The following RYR1 variants were observed in gnomAD, a reference collection of about 807,000 sequenced individuals.
RYR1 encodes the protein ryanodine receptor 1, also known as central core disease of muscle.
Under a neutral mutation model 583.5 loss-of-function variants are expected in RYR1, and 342 were observed. The observed-to-expected ratio is 0.59, with a 90% CI of 0.54 to 0.64. The LOEUF (loss-of-function observed/expected upper bound fraction) is 0.64, where lower values mean the gene tolerates loss of function less well. RYR1 is among the 30% of genes least tolerant of loss of function. The pLI is 0.00. For missense variants in RYR1, 6,032 were observed against 6,917.2 expected, an observed-to-expected ratio of 0.87 and a Z score of 4.54; for synonymous variants, 2,791 against 2,822.5, an observed-to-expected ratio of 0.99 and a Z score of 0.35.
intron 89 of RYR1, among the ~76,000 whole-genome samples, chr19:38,560,104 T>G (rs1973058314): frequency 6.6e-6 from 1 of 152,182 alleles, no homozygotes; most frequent in Non-Finnish European, 1.5e-5. Context: ...TGATTTATGC[T>G]TGTAATCCCA....
chr19:38,521,729 T>C (rs1971233933), intron 67 of RYR1, among the ~76,000 whole-genome samples: 2 of 150,488 alleles, frequency 1.3e-5, no homozygotes, highest in South Asian at 2.1e-4. Context: ...TTTTTTTTTT[T>C]TTTGAGATGG....
intron 49 of RYR1, among the ~76,000 whole-genome samples, chr19:38,503,925 C>T (rs1970318594): frequency 6.6e-6 from 1 of 152,112 alleles, no homozygotes; most frequent in African/African-American, 2.4e-5. Context: ...TCACTACATA[C>T]CCATGGATTA....
chr19:38,580,300 A>G (rs1974140763), intron 100 of RYR1, 70 bp from the exon 101 acceptor site: 2 of 1,396,470 alleles, frequency 1.4e-6, no homozygotes, highest in Non-Finnish European at 2.0e-6. Context: ...CGGGGCCAGG[A>G]CCCAGCATGG....
chr19:38,505,712 C>T, intron 53 of RYR1, 94 bp from the exon 54 acceptor site: 3 of 1,497,288 alleles, frequency 2.0e-6, no homozygotes, highest in Non-Finnish European at 2.8e-6. Context: ...GGACCATTGC[C>T]TAGCCACATG....
chr19:38,496,328 A>G lies in RYR1; in HGVS notation c.6662A>G (p.Lys2221Arg), dbSNP rs1293529148. 5 of 1,613,782 alleles carry G rather than the reference A, an allele frequency of 3.1e-6. No homozygotes were observed. Among genetic ancestry groups the G allele is most frequent in the Non-Finnish European group, 3.4e-6 (4 of 1,180,018 alleles). ...AACGTCCTCGGGGGCGGCGAGTCCA[A>G]GGTGAGGGCCCAGGCAGGTGCTGGG... Reference protein sequence around the residue: ...MVNVLGGGESKEIRFPKMVTS... With the variant: ...MVNVLGGGESREIRFPKMVTS... The change falls in exon 40 of 106, where the codon AAG becomes AGG. Residue 2221 changes from lysine (K) to arginine (R), a missense_variant and splice_region_variant. Physicochemically the swap from Lys to Arg is conservative, Grantham distance 26. Coordinates refer to ENST00000359596, the MANE Select transcript of RYR1 (RefSeq NM_000540.3). This position sits in a 1 kb window ranked among gnomAD's most constrained non-coding sequence, Gnocchi z 4.8.
intron 84 of RYR1, among the ~76,000 whole-genome samples, chr19:38,541,617 G>T (rs957531596): frequency 1.6e-4 from 25 of 152,166 alleles, no homozygotes; most frequent in Admixed American, 5.2e-4. Flanking sequence ...TCAGGAGGCT[G>T]AGGCAGGAGA....
intron 11 of RYR1, among the ~76,000 whole-genome samples, chr19:38,450,322 G>A (rs1262522578): frequency 6.6e-6 from 1 of 152,142 alleles, no homozygotes; most frequent in East Asian, 1.9e-4. Context: ...GCTGTGGGGT[G>A]AGAGAAGGGG....
Position 38,473,400 on chromosome 19 carries a change from G to A in RYR1, c.3789G>A (p.Val1263=). ...AGGTATCCCGAGTGGACGGCACTGT[G>A]GACACGCCCCCCTGCCTGCGCCTGA... ...HYEVSRVDGT[V]DTPPCLRLTH... is the part of the protein sequence containing the mutation. Residue 1263 remains valine (V), a synonymous_variant, in exon 28 of 106, where the codon GTG becomes GTA. Transcript: ENST00000359596. 6.2e-7 allele frequency: 1 copy of A among 1,613,844 alleles called. No individual in the cohort carries two copies. Among genetic ancestry groups the A allele is most frequent in the Non-Finnish European group, 8.5e-7 (1 of 1,179,976 alleles).
Position 38,473,492 on chromosome 19 carries a change from T to C in RYR1, c.3881T>C (p.Val1294Ala). Reference sequence around the variant, plus strand: ...CTTTTCCTGCGGCTGAGCCTCCCAGTCCAGTTCCACCAGCACTTCCGCTGC... The same window carrying C: ...CTTTTCCTGCGGCTGAGCCTCCCAGCCCAGTTCCACCAGCACTTCCGCTGC... Reference protein sequence around the residue: ...EMLFLRLSLPVQFHQHFRCTA... With the variant: ...EMLFLRLSLPAQFHQHFRCTA... Residue 1294 changes from valine to alanine, a missense_variant, in exon 28 of 106, where the codon GTC becomes GCC. By Grantham distance (64) the Val-to-Ala change is moderately conservative. Transcript: ENST00000359596. 1 of 1,613,588 alleles carries C rather than the reference T, an allele frequency of 6.2e-7. No individual in the cohort carries two copies. The highest frequency in any genetic ancestry group is 8.5e-7 in the Non-Finnish European group (1 of 1,179,844).
chr19:38,543,388 A>C lies in RYR1; in HGVS notation c.11731A>C (p.Thr3911Pro). 1 of 1,614,202 alleles carries C rather than the reference A, an allele frequency of 6.2e-7. No homozygotes were observed. Among genetic ancestry groups the C allele is most frequent in the Non-Finnish European group, 8.5e-7 (1 of 1,180,030 alleles). Residue 3911 changes from threonine to proline, a missense_variant, in exon 85 of 106, where the codon ACT (threonine) becomes CCT (proline). Physicochemically the swap from Thr to Pro is conservative, Grantham distance 38. Coordinates refer to ENST00000359596, the MANE Select transcript of RYR1 (RefSeq NM_000540.3). The surrounding 1 kb of genome is among the most constrained non-coding windows in gnomAD (Gnocchi z 4.4). ...YLRTQTGNTT[T>P]INIIICTVDY... is the part of the protein sequence containing the mutation. ...ACGGACACAGACAGGGAACACGACC[A>C]CTATTAACATCATCATTTGCACTGT...
chr19:38,465,763 T>TA (rs1968063512), intron 23 of RYR1, among the ~76,000 whole-genome samples: 1 of 150,834 alleles, frequency 6.6e-6, no homozygotes, highest in African/African-American at 2.4e-5. Flanking sequence ...AAACTCCGTA[T>TA]CAAAAAAAAA....
At chr19:38,584,185 C>T (rs1042053537) in intron 101 of RYR1, among the ~76,000 whole-genome samples, 1 of 151,680 alleles carries the variant, frequency 6.6e-6, no homozygotes, top group African/African-American at 2.4e-5. Flanking sequence ...CATCCCTGGT[C>T]ACACTGTGCC....
At position 38,578,011 on chromosome 19, in the gene RYR1, G is replaced by A. The variant is rs375977113; in HGVS notation, c.14266G>A (p.Glu4756Lys). The A allele has an allele frequency of 3.1e-6, 5 of 1,613,992 alleles. No homozygotes were observed. Among genetic ancestry groups the A allele is most frequent in the East Asian group, 2.2e-5 (1 of 44,892 alleles). Residue 4756 changes from glutamate to lysine, a missense_variant, in exon 98 of 106, where the codon GAG becomes AAG. By Grantham distance (56) the Glu-to-Lys change is moderately conservative. Around this residue, in one of 11 missense-constraint regions of RYR1, gnomAD observed 188 missense variants for 215.6 expected, o/e 0.87. Coordinates refer to ENST00000359596, the MANE Select transcript of RYR1 (RefSeq NM_000540.3). ...CACACTAGAGATCACAGCCCACAATGAGCGCAAGCCCAACCCGCCGCCAGG... is the reference window on the plus strand; with the variant it reads ...CACACTAGAGATCACAGCCCACAATAAGCGCAAGCCCAACCCGCCGCCAGG... ...LATLEITAHNERKPNPPPGLL... is the reference protein window; with the variant it reads ...LATLEITAHNKRKPNPPPGLL...
rs1174989846 is a variant in RYR1, at chr19:38,467,736, G to A, written c.3305G>A (p.Gly1102Asp). 2 of 1,614,120 alleles carry A rather than the reference G, an allele frequency of 1.2e-6. No individual in the cohort carries two copies. The highest frequency in any genetic ancestry group is 2.7e-5 in the African/African-American group (2 of 74,946). The change falls in exon 25 of 106, where the codon GGC becomes GAC. Residue 1102 changes from glycine (G) to aspartate (D), a missense_variant. Physicochemically the swap from Gly to Asp is moderately conservative, Grantham distance 94. Transcript: ENST00000359596. ...EAVTTGEMRV[G>D]WARPELRPDV... Reference sequence around the variant, plus strand: ...GTCACCACAGGCGAGATGCGCGTGGGCTGGGCGAGGCCCGAGCTGAGGCCT... The same window carrying A: ...GTCACCACAGGCGAGATGCGCGTGGACTGGGCGAGGCCCGAGCTGAGGCCT...
In RYR1 at chr19:38,565,305, C is replaced by G; in HGVS notation, c.12971C>G (p.Thr4324Arg). The change falls in exon 91 of 106, where the codon ACG (threonine) becomes AGG (arginine). Residue 4324 changes from threonine to arginine, a missense_variant. Coordinates refer to ENST00000359596, the MANE Select transcript of RYR1 (RefSeq NM_000540.3). The surrounding 1 kb of genome is among the most constrained non-coding windows in gnomAD (Gnocchi z 4.7). ...CGCGTGCGGCGGCTGCGGCGGCTTA[C>G]GGCCCGCGAGGCGGCCACCGCAGTG... ...RRRVRRLRRL[T>R]AREAATAVAA... 22 of 1,100,946 alleles carry G rather than the reference C, an allele frequency of 2.0e-5. No individual in the cohort carries two copies. The highest frequency in any genetic ancestry group is 2.4e-5 in the Non-Finnish European group (22 of 905,434). The allele number at this position is 1,100,946 out of a possible 1,614,324, so 68.2% of individuals were successfully genotyped here.
chr19:38,484,342 T>G (rs573405339), intron 33 of RYR1, among the ~76,000 whole-genome samples: 9 of 151,838 alleles, frequency 5.9e-5, no homozygotes, highest in African/African-American at 2.2e-4. Flanking sequence ...CCCAGGAGGC[T>G]TCTGACATGC....
intron 19 of RYR1, among the ~76,000 whole-genome samples, chr19:38,459,920 C>G (rs1264736023): frequency 1.3e-5 from 2 of 152,304 alleles, no homozygotes; most frequent in African/African-American, 4.8e-5. Context: ...AAAGACCCCC[C>G]AATGATCCAG....
Position 38,506,641 on chromosome 19 carries a change from C to T in RYR1, c.8692+95C>T, listed in dbSNP as rs955978443. 5.9e-6 allele frequency: 9 copies of T among 1,518,012 alleles called. No homozygotes were observed. In the African/African-American group the frequency reaches 1.1e-4, roughly 19 times the overall value. The allele number at this position is 1,518,012 out of a possible 1,614,324, so 94.0% of individuals were successfully genotyped here. A position where few individuals can be genotyped will look rare whatever the true frequency, so the allele number is the denominator to read the frequency against. On this transcript the variant is annotated intron_variant, in intron 56 of 105. Coordinates refer to ENST00000359596, the MANE Select transcript of RYR1 (RefSeq NM_000540.3). ...TGCCCCTGAAACTCGGTTTCTCCAT[C>T]TGTAGATGGGAATAATAACAGCGTT...
At position 38,523,015 on chromosome 19, in the gene RYR1, C is replaced by A; in HGVS notation, c.10260-13C>A. ...CCCCACCCCCTCCCTCACCTCCCCT[C>A]CGCTGACCCCAGGGCGCAGTGGCTG... On this transcript the variant is annotated splice_polypyrimidine_tract_variant and intron_variant, in intron 67 of 105. Coordinates refer to ENST00000359596, the MANE Select transcript of RYR1 (RefSeq NM_000540.3). 6.4e-7 allele frequency: 1 copy of A among 1,574,052 alleles called. No homozygotes were observed. The highest frequency in any genetic ancestry group is 8.6e-7 in the Non-Finnish European group (1 of 1,160,824).
Sources: gnomAD v4.1 joint callset for allele counts (sites outside exome capture counted in the v4.1 genomes callset) on GRCh38, gnomAD v4.1.1 for gene constraint, gnomAD v4.1.1 regional missense constraint, Gnocchi (gnomAD v3.1) non-coding constraint, MANE v1.5 for transcripts, NCBI Gene and HGNC (gene_info 2026-07-23, HGNC 2026-07-21) for gene names.